PLEKHA7: variants seen among roughly 807,000 people sequenced by gnomAD.
The protein encoded by PLEKHA7 is pleckstrin homology domain containing A7.
A neutral mutation model predicts 170.0 loss-of-function variants in PLEKHA7; 104 were observed. That is an observed-to-expected ratio of 0.61 (90% CI 0.52 to 0.72). PLEKHA7 has a LOEUF of 0.72. Ranked by LOEUF, PLEKHA7 falls within the 30% of genes least tolerant of loss-of-function variation. PLEKHA7 has a pLI of 0.00. For missense variants in PLEKHA7, 1,615 were observed against 1,671.7 expected (o/e 0.97, Z 0.59); for synonymous variants, 648 against 660.8 (o/e 0.98, Z 0.30).
At chr11:16,804,530 G>A (rs776612495) in intron 13 of PLEKHA7, among the ~76,000 whole-genome samples, 25 of 152,198 alleles carry the variant, frequency 1.6e-4, no homozygotes, top group Admixed American at 8.5e-4. Context: ...GGTCAAGGGA[G>A]AGGACCTCTC....
At chr11:16,876,965 C>T (rs528305047) in intron 3 of PLEKHA7, among the ~76,000 whole-genome samples, 2 of 152,252 alleles carry the variant, frequency 1.3e-5, no homozygotes, top group East Asian at 3.9e-4. Flanking sequence ...GGTTTTCTGA[C>T]AGTAGTGGTG....
intron 3 of PLEKHA7, among the ~76,000 whole-genome samples, chr11:16,873,348 G>A (rs1051253525): frequency 9.9e-5 from 15 of 152,198 alleles, no homozygotes; most frequent in African/African-American, 3.6e-4. Context: ...CTGAAGGTTA[G>A]AGCAGCCTGA....
At chr11:16,873,474 C>T (rs1855029348) in intron 3 of PLEKHA7, among the ~76,000 whole-genome samples, 1 of 152,102 alleles carries the variant, frequency 6.6e-6, no homozygotes. Flanking sequence ...CCTCTGAATT[C>T]CCTGCTCCTG....
At chr11:16,909,698 C>G (rs1858110795) in intron 3 of PLEKHA7, among the ~76,000 whole-genome samples, 1 of 152,214 alleles carries the variant, frequency 6.6e-6, no homozygotes, top group Non-Finnish European at 1.5e-5. Context: ...CTGAGCTTGG[C>G]TGTGCCAAAG....
At chr11:16,810,966 G>A (rs1308497772) in intron 13 of PLEKHA7, among the ~76,000 whole-genome samples, 1 of 152,174 alleles carries the variant, frequency 6.6e-6, no homozygotes, top group African/African-American at 2.4e-5. Flanking sequence ...CCACTTTGGA[G>A]GTAAAATAAC....
intron 10 of PLEKHA7, among the ~76,000 whole-genome samples, chr11:16,820,727 G>A (rs1380441510): frequency 6.6e-6 from 1 of 152,180 alleles, no homozygotes; most frequent in African/African-American, 2.4e-5. Flanking sequence ...CCTGCCTACA[G>A]TGCCTGGAAG....
At position 16,803,647 on chromosome 11, in the gene PLEKHA7, G is replaced by A. The variant is rs929271605; in HGVS notation, c.2008-352C>T. The A allele has an allele frequency of 7.1e-5, 19 of 266,828 alleles. No homozygotes were observed. The South Asian group carries it at 7.6e-4, about 11-fold the overall frequency. The allele number at this position is 266,828 out of a possible 1,614,324, so 16.5% of individuals were successfully genotyped here. A position where few individuals can be genotyped will look rare whatever the true frequency, so the allele number is the denominator to read the frequency against. Reference sequence around the variant, plus strand: ...AAGATTTGCCACCGATAAGACAGAGGTGTACTACTGAACGTGGGAACAAAC... The same window carrying A: ...AAGATTTGCCACCGATAAGACAGAGATGTACTACTGAACGTGGGAACAAAC... On this transcript the variant is annotated intron_variant, in intron 13 of 26. Transcript: ENST00000531066.
intron 15 of PLEKHA7, 126 bp downstream of exon 15, chr11:16,802,846 C>G (rs1848691282): frequency 1.2e-6 from 1 of 860,696 alleles, no homozygotes. Flanking sequence ...GCACCTGGTG[C>G]ATTTTTTTTT....
In PLEKHA7 at chr11:16,801,826, C is replaced by T. The variant is rs200245723; in HGVS notation, c.2158-9G>A. Reference sequence around the variant, plus strand: ...ACAGATTCTAGCTGGTCCTGCACCACGAAGGGCCAAAAAACAGCAGGATAG... The same window carrying T: ...ACAGATTCTAGCTGGTCCTGCACCATGAAGGGCCAAAAAACAGCAGGATAG... On this transcript the variant is annotated splice_polypyrimidine_tract_variant and intron_variant, in intron 15 of 26. Coordinates refer to ENST00000531066, the MANE Select transcript of PLEKHA7 (RefSeq NM_001329630.2). 43 of 1,613,460 alleles carry T rather than the reference C, an allele frequency of 2.7e-5. No homozygotes were observed. The highest frequency in any genetic ancestry group is 3.4e-5 in the Non-Finnish European group (40 of 1,179,832).
intron 16 of PLEKHA7, 143 bp from the exon 17 acceptor site, chr11:16,801,218 G>C: frequency 2.8e-6 from 2 of 707,268 alleles, no homozygotes; most frequent in South Asian, 3.3e-5. Flanking sequence ...AGAGAGAGAG[G>C]AGCAGGAAAG....
rs188935749 is a variant in PLEKHA7, at chr11:16,841,860, C to T, written c.697-138G>A. ...CCAACTTGTTTCCACACCTAGAAAA[C>T]ATCATAGGCTAGATTTCTCTTTCTT... On this transcript the variant is annotated intron_variant, in intron 8 of 26. Coordinates refer to ENST00000531066, the MANE Select transcript of PLEKHA7 (RefSeq NM_001329630.2). The T allele has an allele frequency of 6.2e-4, 498 of 798,650 alleles. 4 individuals are homozygous for T. The African/African-American group carries it at 8.1e-3, about 13-fold the overall frequency. 49.5% of individuals were successfully genotyped at this position (798,650 alleles called of 1,614,324 possible).
At chr11:16,860,744 G>A (rs540095306) in intron 4 of PLEKHA7, among the ~76,000 whole-genome samples, 6 of 152,172 alleles carry the variant, frequency 3.9e-5, no homozygotes, top group African/African-American at 1.4e-4. Flanking sequence ...AGAGAAGCAG[G>A]CTTTTGCTCT....
intron 4 of PLEKHA7, among the ~76,000 whole-genome samples, chr11:16,865,800 T>C (rs762454697): frequency 7.2e-5 from 11 of 152,170 alleles, no homozygotes; most frequent in Non-Finnish European, 1.3e-4. Context: ...CTGTGGTTTA[T>C]TAAGGGTAAC....
chr11:16,782,082 C>T (rs1204045946), intron 26 of PLEKHA7, among the ~76,000 whole-genome samples: 1 of 152,028 alleles, frequency 6.6e-6, no homozygotes, highest in African/African-American at 2.4e-5. Flanking sequence ...CACAGACACA[C>T]ACACATACAC....
At chr11:16,949,977 T>C (rs1465219615) in intron 3 of PLEKHA7, among the ~76,000 whole-genome samples, 6 of 149,914 alleles carry the variant, frequency 4.0e-5, no homozygotes, top group African/African-American at 1.2e-4. Flanking sequence ...TCAACAACCT[T>C]TGGACTTGGT....
rs1848089497 is a variant in PLEKHA7, at chr11:16,794,636, G to A, written c.2597C>T (p.Pro866Leu). Reference sequence around the variant, plus strand: ...CCGCACAGGGCTGGTGGGAGGACTGGGCTGTGGGGGCGGCTTGCTCTCAGA... The same window carrying A: ...CCGCACAGGGCTGGTGGGAGGACTGAGCTGTGGGGGCGGCTTGCTCTCAGA... Reference protein sequence around the residue: ...STSESKPPPQPSPPTSPVRTP... With the variant: ...STSESKPPPQLSPPTSPVRTP... Residue 866 changes from proline to leucine, a missense_variant, in exon 19 of 27, where the codon CCC becomes CTC. By Grantham distance (98) the Pro-to-Leu change is moderately conservative. Transcript: ENST00000531066. The A allele has an allele frequency of 1.9e-6, 3 of 1,613,894 alleles. No homozygotes were observed. The highest frequency in any genetic ancestry group is 1.1e-5 in the South Asian group (1 of 91,078).
intron 7 of PLEKHA7, 63 bp downstream of exon 7, chr11:16,852,220 C>T: frequency 6.8e-7 from 1 of 1,465,564 alleles, no homozygotes; most frequent in Admixed American, 1.7e-5. Context: ...CCTGAAGTCA[C>T]CAACCATCCA....
At chr11:16,906,937 G>C (rs543233347) in intron 3 of PLEKHA7, among the ~76,000 whole-genome samples, 1 of 146,134 alleles carries the variant, frequency 6.8e-6, no homozygotes, top group East Asian at 2.0e-4. Context: ...CTGCCCTGCC[G>C]CCCCGTCTGG....
At chr11:16,946,974 T>C (rs1314267748) in intron 3 of PLEKHA7, among the ~76,000 whole-genome samples, 1 of 152,220 alleles carries the variant, frequency 6.6e-6, no homozygotes, top group African/African-American at 2.4e-5. Context: ...GTAAAGTGAT[T>C]GGGTCATCTG....
Sources: allele counts gnomAD v4.1 joint callset (sites outside exome capture counted in the v4.1 genomes callset), GRCh38; gene constraint gnomAD v4.1.1; transcripts MANE v1.5; gene names NCBI Gene and HGNC (gene_info 2026-07-23, HGNC 2026-07-21).